Variants in PRDM13 observed in about 807,000 individuals in gnomAD.
The protein encoded by PRDM13 is PR/SET domain 13, also known as PR domain zinc finger protein 13.
Under a neutral mutation model 36.4 loss-of-function variants are expected in PRDM13, and 15 were observed. That is an observed-to-expected ratio of 0.41 (90% confidence interval 0.28 to 0.64). The LOEUF is 0.64. PRDM13 is among the 30% of genes least tolerant of loss of function. The pLI, the probability that PRDM13 is intolerant of heterozygous loss-of-function variation, is 0.29. For synonymous variants in PRDM13, 531 were observed against 467.7 expected (o/e 1.14, Z -1.75); for missense variants, 1,044 against 1,013.5 (o/e 1.03, Z -0.41).
intron 3 of PRDM13, among the ~76,000 whole-genome samples, chr6:99,610,882 A>G (rs2114498075): frequency 1.3e-5 from 2 of 152,302 alleles, no homozygotes; most frequent in South Asian, 4.2e-4. Flanking sequence ...TTTTCCTTTC[A>G]GCCAATTGAG....
chr6:99,613,749 C>A lies in PRDM13; in HGVS notation c.1114C>A (p.Pro372Thr). 1 of 844,072 alleles carries A rather than the reference C, an allele frequency of 1.2e-6. No homozygotes were observed. The highest frequency in any genetic ancestry group is 1.5e-6 in the Non-Finnish European group (1 of 660,704). The allele number at this position is 844,072 out of a possible 1,614,324, so 52.3% of individuals were successfully genotyped here. ...HHPKCLLAGD[P>T]PPPPPPGLPC... is the part of the protein sequence containing the mutation. Reference sequence around the variant, plus strand: ...TCCCAAGTGCCTGCTCGCTGGGGACCCGCCGCCGCCGCCGCCGCCTGGCCT... The same window carrying A: ...TCCCAAGTGCCTGCTCGCTGGGGACACGCCGCCGCCGCCGCCGCCTGGCCT... The change falls in exon 4 of 4, where the codon CCG becomes ACG. Residue 372 changes from proline to threonine, a missense_variant. By Grantham distance (38) the Pro-to-Thr change is conservative. Transcript: ENST00000369215. The surrounding 1 kb of genome is among the most constrained non-coding windows in gnomAD (Gnocchi z 6.1).
chr6:99,615,116 T>G lies in PRDM13; in HGVS notation c.*357T>G, dbSNP rs1029907308. On this transcript the variant is annotated 3_prime_UTR_variant, in exon 4 of 4. Transcript: ENST00000369215. ...CACAGCGCCTTCGAGGGCGCAGATT[T>G]TAACTGCCACGTATTTTTAAGTTGT... 3.4e-6 allele frequency: 1 copy of G among 295,232 alleles called. No homozygotes were observed. The highest frequency in any genetic ancestry group is 9.4e-4 in the Middle Eastern group (1 of 1,062). The allele number at this position is 295,232 out of a possible 1,614,324, so 18.3% of individuals were successfully genotyped here.
At position 99,613,723 on chromosome 6, in the gene PRDM13, A is replaced by G. The variant is rs762309412; in HGVS notation, c.1088A>G (p.His363Arg). 14 of 1,479,826 alleles carry G rather than the reference A, an allele frequency of 9.5e-6. No homozygotes were observed. The South Asian group carries it at 1.3e-4, about 13-fold the overall frequency. 91.7% of individuals were successfully genotyped at this position (1,479,826 alleles called of 1,614,324 possible). A position where few individuals can be genotyped will look rare whatever the true frequency, so the allele number is the denominator to read the frequency against. ...CACCACCACGCGCACCACCACCACC[A>G]TCCCAAGTGCCTGCTCGCTGGGGAC... ...HHHHHAHHHH[H>R]PKCLLAGDPP... is the part of the protein sequence containing the mutation. The change falls in exon 4 of 4, where the codon CAT (histidine) becomes CGT (arginine). Residue 363 changes from histidine to arginine, a missense_variant. His to Arg is a conservative substitution (Grantham distance 29). This residue lies in a region of PRDM13 where 921 missense variants were observed against 865.2 expected (regional missense o/e 1.06). Transcript: ENST00000369215. The surrounding 1 kb of genome is among the most constrained non-coding windows in gnomAD (Gnocchi z 6.1).
chr6:99,610,785 C>T lies in PRDM13; in HGVS notation c.397+1478C>T, dbSNP rs146150970. ...CTATAGAATTTGGCGGGCCACTAAC[C>T]TTTAGAAGCCAGCCATTTCTACAGA... On this transcript the variant is annotated intron_variant, in intron 3 of 3. Coordinates refer to ENST00000369215, the MANE Select transcript of PRDM13 (RefSeq NM_021620.4). Among the ~76,000 whole-genome samples the T allele has an allele frequency of 4.0e-3, 612 of 152,248 alleles. 4 individuals carry two copies. Among genetic ancestry groups the T allele is most frequent in the African/African-American group, 0.014 (577 of 41,560 alleles).
In PRDM13 at chr6:99,612,351, T is replaced by C. The variant is rs1276071604; in HGVS notation, c.398-682T>C. On this transcript the variant is annotated intron_variant, in intron 3 of 3. Transcript: ENST00000369215. ...TTTTCTTTTCTCCCAGCAAATTAAA[T>C]GGTGTTAAAGAGGAAATAAAGATAC... Among the ~76,000 whole-genome samples, 3 of 152,074 alleles carry C rather than the reference T, an allele frequency of 2.0e-5. No individual in the cohort carries two copies. In the East Asian group the frequency reaches 5.8e-4, roughly 29 times the overall value.
Position 99,613,338 on chromosome 6 carries a change from C to T in PRDM13, c.703C>T (p.Pro235Ser). The T allele has an allele frequency of 6.4e-7, 1 of 1,550,530 alleles. No individual in the cohort carries two copies. The stretch of plus-strand genomic sequence containing the variant: ...CATCAAGCGCGAGGCCTCTTCCGCG[C>T]CCTCGGCCACCTCGCCGACCCCAGG... ...EGIKREASSA[P>S]SATSPTPGKW... The change falls in exon 4 of 4, where the codon CCC (proline) becomes TCC (serine). Residue 235 changes from proline to serine, a missense_variant. Physicochemically the swap from Pro to Ser is moderately conservative, Grantham distance 74. Coordinates refer to ENST00000369215, the MANE Select transcript of PRDM13 (RefSeq NM_021620.4). The surrounding 1 kb of genome is among the most constrained non-coding windows in gnomAD (Gnocchi z 6.1).
chr6:99,613,399 T>C lies in PRDM13; in HGVS notation c.764T>C (p.Leu255Pro), dbSNP rs1475094538. 3.9e-6 allele frequency: 6 copies of C among 1,556,848 alleles called. No homozygotes were observed. Among genetic ancestry groups the C allele is most frequent in the East Asian group, 2.3e-5 (1 of 42,604 alleles). Residue 255 changes from leucine (L) to proline (P), a missense_variant, in exon 4 of 4, where the codon CTG becomes CCG. By Grantham distance (98) the Leu-to-Pro change is moderately conservative. Around this residue, in one of 3 missense-constraint regions of PRDM13, gnomAD observed 921 missense variants for 865.2 expected, o/e 1.06. Transcript: ENST00000369215. The surrounding 1 kb of genome is among the most constrained non-coding windows in gnomAD (Gnocchi z 6.1). The stretch of plus-strand genomic sequence containing the variant: ...CAGCCCAAGAAGGGCAAGGAGCAGC[T>C]GGACCGTGCCCTGGACATGAGCGGA... ...WGQPKKGKEQLDRALDMSGAA... is the reference protein window; with the variant it reads ...WGQPKKGKEQPDRALDMSGAA...
chr6:99,614,081 C>T lies in PRDM13; in HGVS notation c.1446C>T (p.Leu482=), dbSNP rs1338156238. The T allele has an allele frequency of 6.2e-7, 1 of 1,601,202 alleles. No individual in the cohort carries two copies. ...CGGCCACCACCGCTTATTACCCGCT[C>T]AAATTGCACTTCGGCGGGCTGCTGA... The part of the protein sequence containing the change: ...GSPATTAYYP[L]KLHFGGLLKY... Residue 482 remains leucine (L), a synonymous_variant, in exon 4 of 4, where the codon CTC becomes CTT. Coordinates refer to ENST00000369215, the MANE Select transcript of PRDM13 (RefSeq NM_021620.4).
At chr6:99,608,020 G>A (rs1002772195) in intron 1 of PRDM13, among the ~76,000 whole-genome samples, 5 of 152,250 alleles carry the variant, frequency 3.3e-5, no homozygotes, top group African/African-American at 4.8e-5. Context: ...TGGGGTAGAA[G>A]AAAGGACTTT....
In PRDM13 at chr6:99,606,911, C is replaced by T. The variant is rs1211235302; in HGVS notation, c.-124C>T. 3.1e-6 allele frequency: 4 copies of T among 1,298,790 alleles called. No homozygotes were observed. The East Asian group carries it at 1.1e-4, about 34-fold the overall frequency. The allele number at this position is 1,298,790 out of a possible 1,614,324, so 80.5% of individuals were successfully genotyped here. ...GCGCAGTGCATGCCCGCCCGCGTCA[C>T]TCCGCGGGCGGAGGACGCACGTCGG... On this transcript the variant is annotated 5_prime_UTR_variant, in exon 1 of 4. Coordinates refer to ENST00000369215, the MANE Select transcript of PRDM13 (RefSeq NM_021620.4).
At position 99,609,233 on chromosome 6, in the gene PRDM13, C is replaced by G. The variant is rs1274495721; in HGVS notation, c.323C>G (p.Thr108Arg). 6.2e-7 allele frequency: 1 copy of G among 1,613,384 alleles called. No individual in the cohort carries two copies. The highest frequency in any genetic ancestry group is 1.3e-5 in the African/African-American group (1 of 74,906). The change falls in exon 3 of 4, where the codon ACA (threonine) becomes AGA (arginine). Residue 108 changes from threonine (T) to arginine (R), a missense_variant. Thr to Arg is a moderately conservative substitution (Grantham distance 71). This residue lies in a region of PRDM13 where 921 missense variants were observed against 865.2 expected (regional missense o/e 1.06). Transcript: ENST00000369215. Reference sequence around the variant, plus strand: ...GACGTCCAGCCAGGGGAGGAGCTGACAGTGTGGTATTCTAACTCCTTGGCT... The same window carrying G: ...GACGTCCAGCCAGGGGAGGAGCTGAGAGTGTGGTATTCTAACTCCTTGGCT... The part of the protein sequence containing the change: ...LRDVQPGEEL[T>R]VWYSNSLAQW...
Position 99,613,548 on chromosome 6 carries a change from G to T in PRDM13, c.913G>T (p.Ala305Ser). The change falls in exon 4 of 4, where the codon GCG becomes TCG. Residue 305 changes from alanine to serine, a missense_variant. Physicochemically the swap from Ala to Ser is moderately conservative, Grantham distance 99 (BLOSUM62 1). Transcript: ENST00000369215. The surrounding 1 kb of genome is among the most constrained non-coding windows in gnomAD (Gnocchi z 6.1). Reference protein sequence around the residue: ...FKPAGLARAAAAAHGDPYREE... With the variant: ...FKPAGLARAASAAHGDPYREE... ...GCCCGCCGGCCTAGCGAGGGCGGCG[G>T]CGGCCGCTCACGGCGACCCCTACCG... The T allele has an allele frequency of 1.3e-6, 2 of 1,498,356 alleles. No individual in the cohort carries two copies. Among genetic ancestry groups the T allele is most frequent in the Non-Finnish European group, 1.8e-6 (2 of 1,134,388 alleles). The allele number at this position is 1,498,356 out of a possible 1,614,324, so 92.8% of individuals were successfully genotyped here.
chr6:99,613,502 C>T lies in PRDM13; in HGVS notation c.867C>T (p.Pro289=), dbSNP rs1002758356. The T allele has an allele frequency of 2.0e-6, 3 of 1,519,368 alleles. No homozygotes were observed. The highest frequency in any genetic ancestry group is 2.4e-5 in the South Asian group (2 of 81,902). 94.1% of individuals were successfully genotyped at this position (1,519,368 alleles called of 1,614,324 possible). The change falls in exon 4 of 4, where the codon CCC becomes CCT. Residue 289 remains proline, a synonymous_variant. Coordinates refer to ENST00000369215, the MANE Select transcript of PRDM13 (RefSeq NM_021620.4). This position sits in a 1 kb window ranked among gnomAD's most constrained non-coding sequence, Gnocchi z 6.1. ...GGGTCGGCAGCCTGGCTTTCTACCC[C>T]GGCGTGCGCTCAGCTTTCAAGCCCG... ...SAGVGSLAFY[P]GVRSAFKPAG...
chr6:99,613,572 C>T lies in PRDM13; in HGVS notation c.937C>T (p.Arg313Trp), dbSNP rs1257673077. 7 of 1,506,664 alleles carry T rather than the reference C, an allele frequency of 4.6e-6. No homozygotes were observed. The Admixed American group carries it at 1.3e-4, about 28-fold the overall frequency. 93.3% of individuals were successfully genotyped at this position (1,506,664 alleles called of 1,614,324 possible). A position where few individuals can be genotyped will look rare whatever the true frequency, so the allele number is the denominator to read the frequency against. The change falls in exon 4 of 4, where the codon CGG becomes TGG. Residue 313 changes from arginine to tryptophan, a missense_variant. Transcript: ENST00000369215. This position sits in a 1 kb window ranked among gnomAD's most constrained non-coding sequence, Gnocchi z 6.1. ...GGCGGCCGCTCACGGCGACCCCTAC[C>T]GGGAGGAGAGCAGCAGCAAGCAAGG... ...AAAAAHGDPY[R>W]EESSSKQGAG...
chr6:99,607,302 G>T, intron 1 of PRDM13, 124 bp downstream of exon 1: 1 of 1,363,506 alleles, frequency 7.3e-7, no homozygotes, highest in Non-Finnish European at 9.9e-7. Context: ...TCTGCCGGGT[G>T]GAAGGGGACT....
In PRDM13 at chr6:99,607,040, C is replaced by G. The variant is rs181938025; in HGVS notation, c.6C>G (p.His2Gln). M[H>Q]GAARAPATSV... ...GCCTGGTGGCGGCGGCAACAATGCACGGAGCCGCCAGAGCGCCAGCCACCA... is the reference window on the plus strand; with the variant it reads ...GCCTGGTGGCGGCGGCAACAATGCAGGGAGCCGCCAGAGCGCCAGCCACCA... The change falls in exon 1 of 4, where the codon CAC becomes CAG. Residue 2 changes from histidine to glutamine, a missense_variant. His to Gln is a conservative substitution (Grantham distance 24). Around this residue, in one of 3 missense-constraint regions of PRDM13, gnomAD observed 921 missense variants for 865.2 expected, o/e 1.06. Coordinates refer to ENST00000369215, the MANE Select transcript of PRDM13 (RefSeq NM_021620.4). 1 of 1,609,344 alleles carries G rather than the reference C, an allele frequency of 6.2e-7. No individual in the cohort carries two copies. The highest frequency in any genetic ancestry group is 1.1e-5 in the South Asian group (1 of 90,718).
intron 1 of PRDM13, among the ~76,000 whole-genome samples, chr6:99,607,383 T>C (rs986213429): frequency 6.6e-6 from 1 of 152,146 alleles, no homozygotes; most frequent in Admixed American, 6.5e-5. Context: ...GGAGAGGATG[T>C]GGCCGAGAGG....
At position 99,609,247 on chromosome 6, in the gene PRDM13, A is replaced by T. The variant is rs748162712; in HGVS notation, c.337A>T (p.Asn113Tyr). ...GGAGGAGCTGACAGTGTGGTATTCTAACTCCTTGGCTCAGTGGTTCGACAT... is the reference window on the plus strand; with the variant it reads ...GGAGGAGCTGACAGTGTGGTATTCTTACTCCTTGGCTCAGTGGTTCGACAT... ...PGEELTVWYS[N>Y]SLAQWFDIPT... Residue 113 changes from asparagine (N) to tyrosine (Y), a missense_variant, in exon 3 of 4, where the codon AAC becomes TAC. By Grantham distance (143) the Asn-to-Tyr change is moderately radical. This residue lies in a region of PRDM13 where 921 missense variants were observed against 865.2 expected (regional missense o/e 1.06). Transcript: ENST00000369215. 1 of 1,613,606 alleles carries T rather than the reference A, an allele frequency of 6.2e-7. No individual in the cohort carries two copies. Among genetic ancestry groups the T allele is most frequent in the Non-Finnish European group, 8.5e-7 (1 of 1,179,664 alleles).
At chr6:99,609,047 G>T (rs979247161) in intron 2 of PRDM13, 140 bp from the exon 3 acceptor site, 2 of 1,380,938 alleles carry the variant, frequency 1.4e-6, no homozygotes, top group Non-Finnish European at 1.9e-6. Flanking sequence ...GAAGGATGAC[G>T]GAAGTGAGGT....
Sources: gnomAD v4.1 joint callset for allele counts (sites outside exome capture counted in the v4.1 genomes callset) on GRCh38, gnomAD v4.1.1 for gene constraint, gnomAD v4.1.1 regional missense constraint, Gnocchi (gnomAD v3.1) non-coding constraint, MANE v1.5 for transcripts, NCBI Gene and HGNC (gene_info 2026-07-23, HGNC 2026-07-21) for gene names.